DNM3: variants seen among roughly 807,000 people sequenced by gnomAD.
DNM3 encodes the protein dynamin 3, also known as dynamin-3.
Under a neutral mutation model 101.6 loss-of-function variants are expected in DNM3, and 47 were observed. The ratio of observed to expected loss-of-function variants is 0.46; its 90% confidence interval spans 0.37 to 0.59. DNM3 has a LOEUF of 0.59. Among genes scored for constraint, DNM3 ranks in the 20% least tolerant of loss-of-function variants. The pLI, the probability that DNM3 is intolerant of heterozygous loss-of-function variation, is 0.00. For synonymous variants in DNM3, 385 were observed against 387.9 expected (o/e 0.99, Z 0.09); for missense variants, 849 against 1,085.7 (o/e 0.78, Z 3.06).
At chr1:172,046,057 A>G (rs369692481) in intron 9 of DNM3, among the ~76,000 whole-genome samples, 124 of 152,344 alleles carry the variant, frequency 8.1e-4, no homozygotes, top group African/African-American at 2.9e-3. Context: ...ATTACTGAGT[A>G]TATACCCAAA....
intron 14 of DNM3, among the ~76,000 whole-genome samples, chr1:172,228,512 C>A (rs1413390305): frequency 1.3e-5 from 2 of 151,970 alleles, no homozygotes; most frequent in African/African-American, 4.8e-5. Flanking sequence ...GGCATTTTCC[C>A]TCTGATTACT....
chr1:171,895,551 TG>T (rs1206463148), intron 1 of DNM3, among the ~76,000 whole-genome samples: 2 of 152,252 alleles, frequency 1.3e-5, no homozygotes, highest in Non-Finnish European at 2.9e-5. Flanking sequence ...CTTTGTCAGA[TG>T]GGTAGATTGC....
At chr1:172,214,181 A>T (rs1232043469) in intron 14 of DNM3, among the ~76,000 whole-genome samples, 1 of 152,166 alleles carries the variant, frequency 6.6e-6, no homozygotes, top group African/African-American at 2.4e-5. Context: ...GGACTTGAGA[A>T]ATTGATTTCA....
chr1:172,256,583 G>A (rs1001724599), intron 15 of DNM3, among the ~76,000 whole-genome samples: 1 of 151,506 alleles, frequency 6.6e-6, no homozygotes, highest in African/African-American at 2.4e-5. Flanking sequence ...CTTTTTTTAT[G>A]ATCACTCTTG....
chr1:171,921,098 T>A (rs2040124760), intron 1 of DNM3, among the ~76,000 whole-genome samples: 1 of 150,074 alleles, frequency 6.7e-6, no homozygotes, highest in Admixed American at 6.8e-5. Context: ...TGGCTAGTTT[T>A]TGTAGGGTTT....
chr1:171,849,481 AAAAACAAAAGT>A (rs2032643486), intron 1 of DNM3, among the ~76,000 whole-genome samples: 1 of 152,204 alleles, frequency 6.6e-6, no homozygotes, highest in African/African-American at 2.4e-5. Context: ...TGAGTGTTTT[AAAAACAAAAGT>A]AAGTTGAGGC....
At chr1:172,136,624 A>G (rs2057245562) in intron 14 of DNM3, 1 of 152,166 alleles carries the variant, frequency 6.6e-6, no homozygotes, top group Non-Finnish European at 1.5e-5. Flanking sequence ...TTTTTAATAT[A>G]GGATTATTCA....
chr1:172,212,503 G>A (rs2060548685), intron 14 of DNM3, among the ~76,000 whole-genome samples: 1 of 152,066 alleles, frequency 6.6e-6, no homozygotes, highest in Non-Finnish European at 1.5e-5. Flanking sequence ...TTTAAACAAC[G>A]TTGCCTTCAA....
At chr1:171,843,852 C>A (rs568791979) in intron 1 of DNM3, among the ~76,000 whole-genome samples, 57 of 152,202 alleles carry the variant, frequency 3.7e-4, no homozygotes, top group African/African-American at 1.3e-3. Context: ...AAAATAGGGA[C>A]AAGTATAAAA....
chr1:172,043,866 G>T (rs1452313450), intron 8 of DNM3, among the ~76,000 whole-genome samples: 1 of 152,156 alleles, frequency 6.6e-6, no homozygotes, highest in African/African-American at 2.4e-5. Context: ...GGTACCTAGC[G>T]CTTCTGAGAA....
chr1:172,233,789 C>A (rs1357347211), intron 14 of DNM3, among the ~76,000 whole-genome samples: 3 of 152,128 alleles, frequency 2.0e-5, no homozygotes, highest in East Asian at 1.9e-4. Context: ...ACGACAAAAA[C>A]CACATGATTA....
chr1:172,238,923 G>A (rs1413329995), intron 14 of DNM3, among the ~76,000 whole-genome samples: 1 of 152,106 alleles, frequency 6.6e-6, no homozygotes, highest in Non-Finnish European at 1.5e-5. Context: ...GCCACAAAAG[G>A]CAAATGATTC....
chr1:172,018,969 TTCCC>T (rs2047635402), intron 4 of DNM3, among the ~76,000 whole-genome samples: 1 of 149,240 alleles, frequency 6.7e-6, no homozygotes, highest in Non-Finnish European at 1.5e-5. Context: ...TTCCCCTTCC[TTCCC>T]TCCCTCCCTC....
At chr1:171,912,503 A>G (rs1431026900) in intron 1 of DNM3, among the ~76,000 whole-genome samples, 1 of 152,136 alleles carries the variant, frequency 6.6e-6, no homozygotes, top group Non-Finnish European at 1.5e-5. Flanking sequence ...TGTCATCACT[A>G]TCCTACTCTT....
downstream of DNM3, among the ~76,000 whole-genome samples, chr1:172,416,932 T>C (rs1473932553): frequency 3.9e-5 from 6 of 152,178 alleles, no homozygotes; most frequent in Non-Finnish European, 8.8e-5. Flanking sequence ...GCCTCTTTAG[T>C]GTAGTCAGCT....
Position 172,092,847 on chromosome 1 carries a change from T to C in DNM3, c.1517T>C (p.Val506Ala). 6.4e-7 allele frequency: 1 copy of C among 1,559,882 alleles called. No individual in the cohort carries two copies. The highest frequency in any genetic ancestry group is 8.7e-7 in the Non-Finnish European group (1 of 1,150,874). Residue 506 changes from valine (V) to alanine (A), a missense_variant, in exon 13 of 21, where the codon GTT becomes GCT. Physicochemically the swap from Val to Ala is moderately conservative, Grantham distance 64. Transcript: ENST00000627582. ...FANAQQRSSQ[V>A]HKKTTVGNQV... ...AGTGCTCAGCAGAGGAGCAGTCAGGTTCACAAGAAAACCACAGTTGGAAAT... is the reference window on the plus strand; with the variant it reads ...AGTGCTCAGCAGAGGAGCAGTCAGGCTCACAAGAAAACCACAGTTGGAAAT...
At chr1:172,052,612 G>A (rs950359536) in intron 10 of DNM3, among the ~76,000 whole-genome samples, 1 of 152,088 alleles carries the variant, frequency 6.6e-6, no homozygotes, top group African/African-American at 2.4e-5. Context: ...AAGCCTAAAG[G>A]ACGCTCTTAT....
At chr1:171,935,587 C>G (rs1335495798) in intron 2 of DNM3, among the ~76,000 whole-genome samples, 2 of 151,984 alleles carry the variant, frequency 1.3e-5, no homozygotes, top group Admixed American at 6.6e-5. Flanking sequence ...GACAATGGGA[C>G]AGTTTCAGTG....
chr1:172,378,631 C>T (rs918124045), intron 17 of DNM3, among the ~76,000 whole-genome samples: 4 of 152,038 alleles, frequency 2.6e-5, no homozygotes, highest in African/African-American at 9.7e-5. Flanking sequence ...TCTATAGCTT[C>T]CCTGGAGACT....
Sources: allele counts gnomAD v4.1 joint callset (sites outside exome capture counted in the v4.1 genomes callset), GRCh38; gene constraint gnomAD v4.1.1; transcripts MANE v1.5; gene names NCBI Gene and HGNC (gene_info 2026-07-23, HGNC 2026-07-21).